The following LSAMP variants were observed in gnomAD, a reference collection of about 807,000 sequenced individuals.
LSAMP encodes the protein limbic system associated membrane protein.
Under a neutral mutation model 38.6 loss-of-function variants are expected in LSAMP, and 7 were observed. That is an observed-to-expected ratio of 0.18 (90% CI 0.10 to 0.34). The LOEUF is 0.34. LSAMP is among the 10% of genes least tolerant of loss of function. The pLI, the probability that LSAMP is intolerant of heterozygous loss-of-function variation, is 1.00. For missense variants in LSAMP, 313 were observed against 420.0 expected, an observed-to-expected ratio of 0.75 and a Z score of 2.23; for synonymous variants, 154 against 166.8, an observed-to-expected ratio of 0.92 and a Z score of 0.59.
chr3:115,857,667 T>C (rs72951433), intron 3 of LSAMP, among the ~76,000 whole-genome samples: 83 of 152,332 alleles, frequency 5.4e-4, no homozygotes, highest in Middle Eastern at 6.8e-3. Flanking sequence ...TAATGTGTTT[T>C]TGTGTCTCCT....
intron 2 of LSAMP, among the ~76,000 whole-genome samples, chr3:116,085,367 C>A (rs916196076): frequency 6.6e-6 from 1 of 152,200 alleles, no homozygotes; most frequent in African/African-American, 2.4e-5. Flanking sequence ...ATAATCAATT[C>A]CATAACACAT....
At chr3:115,816,361 C>T (rs184481918) in intron 6 of LSAMP, among the ~76,000 whole-genome samples, 15 of 152,180 alleles carry the variant, frequency 9.9e-5, no homozygotes, top group South Asian at 8.3e-4. Flanking sequence ...CAGGGAGCAG[C>T]GCAAAGCATA....
intron 1 of LSAMP, among the ~76,000 whole-genome samples, chr3:116,132,998 A>G (rs1401308417): frequency 6.6e-6 from 1 of 152,196 alleles, no homozygotes; most frequent in Non-Finnish European, 1.5e-5. Flanking sequence ...TTGGTTATAA[A>G]TGGTGCCTCA....
intron 3 of LSAMP, among the ~76,000 whole-genome samples, chr3:115,897,855 T>C (rs1936767631): frequency 6.6e-6 from 1 of 152,116 alleles, no homozygotes; most frequent in South Asian, 2.1e-4. Flanking sequence ...CAATTTCCTA[T>C]GTTAATTAAA....
intron 1 of LSAMP, among the ~76,000 whole-genome samples, chr3:116,110,849 A>G (rs924093396): frequency 2.6e-5 from 4 of 152,240 alleles, no homozygotes; most frequent in African/African-American, 9.6e-5. Context: ...TGTGTAAGCA[A>G]CATGGCTGTT....
chr3:116,081,053 G>A (rs556709006), intron 2 of LSAMP, among the ~76,000 whole-genome samples: 4 of 152,272 alleles, frequency 2.6e-5, no homozygotes, highest in East Asian at 1.9e-4. Flanking sequence ...ATGAGATACC[G>A]TCTTGGAGTT....
At chr3:116,212,176 G>T (rs6795256) in intron 1 of LSAMP, among the ~76,000 whole-genome samples, 76,510 of 152,034 alleles carry the variant, frequency 0.5, 21,593 homozygotes, top group East Asian at 0.74. Flanking sequence ...TGTGTGGTGT[G>T]ATATCAAATA....
chr3:116,228,034 G>A (rs773806775), intron 1 of LSAMP, among the ~76,000 whole-genome samples: 7 of 152,048 alleles, frequency 4.6e-5, no homozygotes, highest in South Asian at 2.1e-4. Flanking sequence ...AGCCTGGCCC[G>A]AAACAGAAGA....
chr3:116,022,900 C>T (rs979994157), intron 2 of LSAMP, among the ~76,000 whole-genome samples: 1 of 152,190 alleles, frequency 6.6e-6, no homozygotes, highest in Non-Finnish European at 1.5e-5. Context: ...TCATTACCTT[C>T]ATTCCCACCA....
At chr3:116,009,867 A>C (rs1940275240) in intron 3 of LSAMP, among the ~76,000 whole-genome samples, 2 of 152,154 alleles carry the variant, frequency 1.3e-5, no homozygotes, top group African/African-American at 4.8e-5. Context: ...AAGAAAAAAA[A>C]AATCCTTTCC....
In LSAMP at chr3:115,914,597, T is replaced by C. The variant is rs1937207025; in HGVS notation, c.515-61980A>G. 2.0e-5 allele frequency among the ~76,000 whole-genome samples: 3 copies of C among 152,220 alleles called. No homozygotes were observed. In the South Asian group the frequency reaches 6.2e-4, roughly 32 times the overall value. ...GTTTTAACAAGTACCGGGATAATTT[T>C]TTTGTTTACTAGTGGACTAGAGAGG... is the stretch of plus-strand genomic sequence containing the variant. On this transcript the variant is annotated intron_variant, in intron 3 of 6. Transcript: ENST00000490035.
At chr3:116,273,707 T>TATATATATATATATATATATATACACAC (rs1307543165) in intron 1 of LSAMP, among the ~76,000 whole-genome samples, 11 of 102,598 alleles carry the variant, frequency 1.1e-4, no homozygotes, top group African/African-American at 4.7e-4. Flanking sequence ...TATATATATA[T>TATATATATATATATATATATATACACAC]ACACACACAC....
At chr3:116,156,545 T>C (rs1033065517) in intron 1 of LSAMP, among the ~76,000 whole-genome samples, 1 of 152,098 alleles carries the variant, frequency 6.6e-6, no homozygotes, top group Non-Finnish European at 1.5e-5. Flanking sequence ...TGCTACTAAA[T>C]GGTATGAATT....
intron 1 of LSAMP, among the ~76,000 whole-genome samples, chr3:116,250,786 T>C (rs1296654540): frequency 3.3e-5 from 5 of 152,068 alleles, no homozygotes; most frequent in South Asian, 2.1e-4. Flanking sequence ...AGGGGATCAC[T>C]TGGGCCTGGG....
intron 1 of LSAMP, among the ~76,000 whole-genome samples, chr3:116,288,702 T>TTGAG (rs1222293369): frequency 6.6e-6 from 1 of 152,204 alleles, no homozygotes; most frequent in Non-Finnish European, 1.5e-5. Flanking sequence ...CTTTGATCTC[T>TTGAG]TGAGTTTACA....
intron 1 of LSAMP, among the ~76,000 whole-genome samples, chr3:116,306,624 C>T (rs550821059): frequency 5.2e-4 from 79 of 152,016 alleles, no homozygotes; most frequent in South Asian, 2.1e-3. Flanking sequence ...GTGGAATAAA[C>T]GTCCACAAGA....
At chr3:116,317,358 T>TTCTTTC (rs2047644404) in intron 1 of LSAMP, among the ~76,000 whole-genome samples, 1 of 141,330 alleles carries the variant, frequency 7.1e-6, no homozygotes, top group African/African-American at 2.7e-5. Flanking sequence ...CTTTCTTTCT[T>TTCTTTC]TTTTTTTTTT....
At chr3:115,937,515 C>G (rs1937743777) in intron 3 of LSAMP, among the ~76,000 whole-genome samples, 1 of 152,038 alleles carries the variant, frequency 6.6e-6, no homozygotes, top group African/African-American at 2.4e-5. Context: ...GTAGTGCACA[C>G]CCATGGTCCC....
At chr3:115,999,284 GA>G (rs1476293881) in intron 3 of LSAMP, among the ~76,000 whole-genome samples, 2 of 152,112 alleles carry the variant, frequency 1.3e-5, no homozygotes, top group Admixed American at 6.6e-5. Flanking sequence ...AGAGATTTTG[GA>G]AAGCTGAATA....
Sources: gnomAD v4.1 joint callset for allele counts (sites outside exome capture counted in the v4.1 genomes callset) on GRCh38, gnomAD v4.1.1 for gene constraint, MANE v1.5 for transcripts, NCBI Gene and HGNC (gene_info 2026-07-23, HGNC 2026-07-21) for gene names.